FHDC1: variants seen among roughly 807,000 people sequenced by gnomAD.
FHDC1 encodes FH2 domain containing 1, also known as FH2 domain-containing protein 1.
FHDC1 carries 25 observed loss-of-function variants against 52.6 expected under a neutral mutation model. The observed-to-expected ratio is 0.48, with a 90% CI of 0.35 to 0.66. FHDC1 has a LOEUF of 0.66. Among genes scored for constraint, FHDC1 ranks in the 30% least tolerant of loss-of-function variants. FHDC1 has a pLI of 0.01. For synonymous variants in FHDC1, 616 were observed against 581.5 expected (o/e 1.06, Z -0.85); for missense variants, 1,459 against 1,452.8 (o/e 1.00, Z -0.07).
the FHDC1 span, among the ~76,000 whole-genome samples, chr4:152,922,707 G>T: frequency 6.6e-6 from 1 of 151,808 alleles, no homozygotes; most frequent in South Asian, 2.1e-4. Context: ...TTCAATATAC[G>T]CAAATCAATA....
the FHDC1 span, among the ~76,000 whole-genome samples, chr4:152,913,665 G>T: frequency 9.4e-4 from 143 of 151,806 alleles, no homozygotes; most frequent in East Asian, 0.026. Context: ...TGAAATCTTT[G>T]ATCACTCATT....
At chr4:152,967,155 G>A (rs62320613) in intron 9 of FHDC1, among the ~76,000 whole-genome samples, 8,647 of 152,204 alleles carry the variant, frequency 0.057, 327 homozygotes, top group Non-Finnish European at 0.081. Flanking sequence ...GCTGGGCCTG[G>A]TGGCTCACAC....
chr4:152,939,069 CT>C (rs1165536127), intron 1 of FHDC1, among the ~76,000 whole-genome samples: 5 of 151,936 alleles, frequency 3.3e-5, no homozygotes, highest in Non-Finnish European at 1.5e-5. Context: ...ACTAGAACGT[CT>C]TTTTTTTGGT....
upstream of FHDC1, among the ~76,000 whole-genome samples, chr4:152,933,306 T>C (rs956408647): frequency 1.3e-5 from 2 of 152,210 alleles, no homozygotes; most frequent in African/African-American, 4.8e-5. Context: ...AGCATATTAA[T>C]AGATGAAGAA....
chr4:152,912,531 T>G, the FHDC1 span, among the ~76,000 whole-genome samples: 1 of 152,220 alleles, frequency 6.6e-6, no homozygotes, highest in Non-Finnish European at 1.5e-5. Context: ...AACTTTGTAA[T>G]ATATTGCCTG....
Position 152,971,670 on chromosome 4 carries a change from T to C in FHDC1, c.1219-707T>C, listed in dbSNP as rs187965498. 2.4e-3 allele frequency among the ~76,000 whole-genome samples: 369 copies of C among 152,352 alleles called. 2 individuals carry two copies. Among genetic ancestry groups the C allele is most frequent in the African/African-American group, 8.4e-3 (351 of 41,580 alleles). ...AATGAAGAAGCAAAGAGGGTGGTTTTGTAAAGGACAGTAATGCCTAGCCAT... is the reference window on the plus strand; with the variant it reads ...AATGAAGAAGCAAAGAGGGTGGTTTCGTAAAGGACAGTAATGCCTAGCCAT... On this transcript the variant is annotated intron_variant, in intron 10 of 11. Transcript: ENST00000511601.
intron 10 of FHDC1, 25 bp downstream of exon 10, chr4:152,968,122 C>T: frequency 1.9e-6 from 3 of 1,551,970 alleles, no homozygotes; most frequent in African/African-American, 1.4e-5. Flanking sequence ...CAAGTCAGTC[C>T]CTCTAATCTC....
rs768192300 is a variant in FHDC1 at position 152,975,271 on chromosome 4, CCCT to C, written c.1985_1987del (p.Pro662del). 12 of 1,613,448 alleles carry C rather than the reference CCCT, an allele frequency of 7.4e-6. No individual in the cohort carries two copies. Among genetic ancestry groups the C allele is most frequent in the Non-Finnish European group, 9.3e-6 (11 of 1,180,052 alleles). On this transcript the variant is annotated inframe_deletion, in exon 12 of 12. Coordinates refer to ENST00000511601, the MANE Select transcript of FHDC1 (RefSeq NM_001371116.1). ...CGGTGAGCCTGGGCTCAGCACAGTC[CCCT>C]CCTCTCTCGCCATTGGCTCTGGGAA...
At chr4:152,942,776 G>A (rs531603985) in intron 1 of FHDC1, among the ~76,000 whole-genome samples, 152 bp from the exon 2 acceptor site, 106 of 152,294 alleles carry the variant, frequency 7.0e-4, no homozygotes, top group Admixed American at 2.5e-3. Context: ...TTAGAAAAGC[G>A]TTGGGTCCTT....
chr4:152,976,537 C>T lies in FHDC1; in HGVS notation c.3246C>T (p.Asp1082=). Reference sequence around the variant, plus strand: ...ACCCCGAGGATGCCGCTCCCAAGGACAGCAGCACTTTGAGGCGAGCCAGCA... The same window carrying T: ...ACCCCGAGGATGCCGCTCCCAAGGATAGCAGCACTTTGAGGCGAGCCAGCA... ...KGDPEDAAPK[D]SSTLRRASSA... Residue 1082 remains aspartate, a synonymous_variant, in exon 12 of 12, where the codon GAC becomes GAT. Transcript: ENST00000511601. The T allele has an allele frequency of 6.2e-7, 1 of 1,613,140 alleles. No individual in the cohort carries two copies. Among genetic ancestry groups the T allele is most frequent in the Non-Finnish European group, 8.5e-7 (1 of 1,179,892 alleles).
intron 11 of FHDC1, among the ~76,000 whole-genome samples, chr4:152,973,424 G>A (rs1461506126): frequency 3.3e-5 from 5 of 152,216 alleles, no homozygotes; most frequent in Non-Finnish European, 7.3e-5. Context: ...CTGTGGCCAC[G>A]TTTGCACTCC....
rs1740877062 is a variant in FHDC1, at chr4:152,976,240, G to A, written c.2949G>A (p.Lys983=). Residue 983 remains lysine (K), a synonymous_variant, in exon 12 of 12, where the codon AAG becomes AAA. Transcript: ENST00000511601. ...VPLQPRGSFK[K]PSAKPLRNLP... is the part of the protein sequence containing the mutation. ...TGCAGCCCAGGGGTTCTTTCAAGAA[G>A]CCCAGTGCCAAACCACTCAGGAACC... 1.2e-6 allele frequency: 2 copies of A among 1,613,240 alleles called. No homozygotes were observed. Among genetic ancestry groups the A allele is most frequent in the Non-Finnish European group, 1.7e-6 (2 of 1,179,948 alleles).
intron 4 of FHDC1, among the ~76,000 whole-genome samples, chr4:152,957,640 T>C (rs1475920673): frequency 6.6e-6 from 1 of 152,218 alleles, no homozygotes; most frequent in Non-Finnish European, 1.5e-5. Flanking sequence ...CTGGTGTGAA[T>C]AAGTGTCACT....
At chr4:152,947,075 C>T (rs915586680) in intron 2 of FHDC1, among the ~76,000 whole-genome samples, 7 of 151,894 alleles carry the variant, frequency 4.6e-5, no homozygotes, top group East Asian at 3.9e-4. Flanking sequence ...AAACATTAGC[C>T]GGGCATGATG....
chr4:152,916,031 G>T, the FHDC1 span, among the ~76,000 whole-genome samples: 1 of 151,962 alleles, frequency 6.6e-6, no homozygotes, highest in South Asian at 2.1e-4. Flanking sequence ...AGATACAGGG[G>T]GTTAAGGAAC....
the FHDC1 span, chr4:152,927,684 G>A: frequency 2.6e-6 from 4 of 1,567,254 alleles, no homozygotes; most frequent in East Asian, 9.0e-5. Flanking sequence ...AACATGGTAA[G>A]AGGCTTAGAT....
At chr4:152,926,812 A>C in the FHDC1 span, among the ~76,000 whole-genome samples, 2 of 152,012 alleles carry the variant, frequency 1.3e-5, no homozygotes, top group Admixed American at 6.6e-5. Flanking sequence ...GGAAAAAAAA[A>C]ACAAAACAAC....
At position 152,972,469 on chromosome 4, in the gene FHDC1, A is replaced by G. The variant is rs778966821; in HGVS notation, c.1311A>G (p.Lys437=). The G allele has an allele frequency of 8.7e-6, 14 of 1,613,958 alleles. No homozygotes were observed. The East Asian group carries it at 3.1e-4, about 36-fold the overall frequency. Residue 437 remains lysine (K), a synonymous_variant, in exon 11 of 12, where the codon AAA becomes AAG. Coordinates refer to ENST00000511601, the MANE Select transcript of FHDC1 (RefSeq NM_001371116.1). ...TTATAGATTTTTTCTGTGAAGACAA[A>G]AAAACCATGAAACTGGATGAATGCT... is the stretch of plus-strand genomic sequence containing the variant. ...YTLIDFFCED[K]KTMKLDECFQ... is the part of the protein sequence containing the mutation.
At chr4:152,936,857 C>T (rs1461680424) in intron 1 of FHDC1, among the ~76,000 whole-genome samples, 1 of 152,270 alleles carries the variant, frequency 6.6e-6, no homozygotes, top group African/African-American at 2.4e-5. Context: ...TGCGCAGCCG[C>T]GGCGCCGCGC....
Sources: gnomAD v4.1 joint callset for allele counts (sites outside exome capture counted in the v4.1 genomes callset) on GRCh38, gnomAD v4.1.1 for gene constraint, MANE v1.5 for transcripts, NCBI Gene and HGNC (gene_info 2026-07-23, HGNC 2026-07-21) for gene names.